Variants in WWOX observed in about 807,000 individuals in gnomAD.
The protein encoded by WWOX is WW domain containing oxidoreductase.
Under a neutral mutation model 46.2 loss-of-function variants are expected in WWOX, and 69 were observed. The ratio of observed to expected loss-of-function variants is 1.49; its 90% CI spans 1.23 to 1.82. The LOEUF (loss-of-function observed/expected upper bound fraction) is 1.82. WWOX is among the 40% of genes most tolerant of loss of function. The pLI is 0.00. For synonymous variants in WWOX, 359 were observed against 202.6 expected (o/e 1.77, Z -6.56); for missense variants, 919 against 542.6 (o/e 1.69, Z -6.89).
chr16:79,141,144 G>A (rs1408038974), intron 8 of WWOX, among the ~76,000 whole-genome samples: 5 of 152,206 alleles, frequency 3.3e-5, no homozygotes, highest in Admixed American at 1.3e-4. Flanking sequence ...AATACATATC[G>A]GATTGCCTCC....
intron 8 of WWOX, among the ~76,000 whole-genome samples, chr16:79,037,790 C>T (rs2047896512): frequency 6.6e-6 from 1 of 152,098 alleles, no homozygotes; most frequent in Non-Finnish European, 1.5e-5. Context: ...GTCATCTAGA[C>T]ATTTTTATCC....
chr16:78,831,094 C>G (rs530296120), intron 8 of WWOX, among the ~76,000 whole-genome samples: 1 of 152,158 alleles, frequency 6.6e-6, no homozygotes, highest in African/African-American at 2.4e-5. Context: ...GTTCCTAGCC[C>G]TCCAGAGCTT....
chr16:78,779,939 A>C (rs1266546381), intron 8 of WWOX, among the ~76,000 whole-genome samples: 1 of 152,232 alleles, frequency 6.6e-6, no homozygotes, highest in Non-Finnish European at 1.5e-5. Context: ...GCCACAAATC[A>C]ATAATGAAAA....
At chr16:78,785,151 C>G (rs1046285278) in intron 8 of WWOX, among the ~76,000 whole-genome samples, 3 of 152,134 alleles carry the variant, frequency 2.0e-5, no homozygotes, top group African/African-American at 7.2e-5. Flanking sequence ...AAAACAATAA[C>G]CAAGTGTGAC....
At chr16:78,157,758 G>A (rs1231734721) in intron 4 of WWOX, among the ~76,000 whole-genome samples, 1 of 152,190 alleles carries the variant, frequency 6.6e-6, no homozygotes, top group Non-Finnish European at 1.5e-5. Context: ...TTTGAATTCT[G>A]GTTGGTATTA....
At position 78,784,785 on chromosome 16, in the gene WWOX, C is replaced by T. The variant is rs11859768; in HGVS notation, c.1056+352033C>T. Among the ~76,000 whole-genome samples the T allele has an allele frequency of 5.4e-3, 827 of 152,200 alleles. 8 individuals carry two copies. Among genetic ancestry groups the T allele is most frequent in the African/African-American group, 0.019 (785 of 41,538 alleles). ...CAGTGACTGCAAGGTCAGCTCCTGA[C>T]CTTCATAATAAGGACTCACATGTGT... On this transcript the variant is annotated intron_variant, in intron 8 of 8. Coordinates refer to ENST00000566780, the MANE Select transcript of WWOX (RefSeq NM_016373.4).
intron 8 of WWOX, among the ~76,000 whole-genome samples, chr16:78,978,800 G>A (rs765395016): frequency 6.6e-6 from 1 of 151,996 alleles, no homozygotes; most frequent in Non-Finnish European, 1.5e-5. Flanking sequence ...AATCATTTAT[G>A]AAGGGTTCAT....
intron 8 of WWOX, among the ~76,000 whole-genome samples, chr16:78,852,459 T>A (rs772763477): frequency 3.9e-5 from 6 of 152,150 alleles, no homozygotes; most frequent in South Asian, 2.1e-4. Flanking sequence ...GAATCAGGCT[T>A]CCAACAGTCA....
chr16:78,867,489 T>TG (rs1170463325), intron 8 of WWOX, among the ~76,000 whole-genome samples: 1 of 140,568 alleles, frequency 7.1e-6, no homozygotes, highest in Non-Finnish European at 1.5e-5. Flanking sequence ...TGATTTTGTG[T>TG]GTGTGTGTGT....
intron 8 of WWOX, among the ~76,000 whole-genome samples, chr16:78,443,296 C>T (rs551257233): frequency 7.2e-5 from 11 of 151,760 alleles, no homozygotes; most frequent in Non-Finnish European, 1.5e-4. Context: ...CAGAGTGAGA[C>T]TGAAAAACAA....
At chr16:79,117,429 C>T (rs971921177) in intron 8 of WWOX, among the ~76,000 whole-genome samples, 2 of 152,126 alleles carry the variant, frequency 1.3e-5, no homozygotes. Context: ...TTTGTTATTC[C>T]ATTTATAGAG....
Position 78,300,108 on chromosome 16 carries a change from A to AT in WWOX, c.517-86745dup, listed in dbSNP as rs540206440. ...TGAGTAGAAATTAAGACATAGCTTGATTTTTTTCCAACAGAATCATGAAGT... is the reference window on the plus strand; with the variant it reads ...TGAGTAGAAATTAAGACATAGCTTGATTTTTTTTCCAACAGAATCATGAAGT... On this transcript the variant is annotated intron_variant, in intron 5 of 8. Transcript: ENST00000566780. 3.5e-3 allele frequency among the ~76,000 whole-genome samples: 530 copies of AT among 151,802 alleles called. 7 individuals are homozygous for AT. Among genetic ancestry groups the AT allele is most frequent in the African/African-American group, 0.012 (502 of 41,556 alleles).
chr16:78,763,896 C>T (rs1013830107), intron 8 of WWOX, among the ~76,000 whole-genome samples: 10 of 152,154 alleles, frequency 6.6e-5, no homozygotes, highest in African/African-American at 2.4e-4. Context: ...TGTGTACACC[C>T]CAATGCCCCA....
intron 8 of WWOX, chr16:79,203,671 A>C (rs925789058): frequency 1.4e-4 from 22 of 152,140 alleles, no homozygotes; most frequent in African/African-American, 5.1e-4. Flanking sequence ...TAAAAGACGT[A>C]ATTTTGCAGG....
intron 8 of WWOX, among the ~76,000 whole-genome samples, chr16:78,547,201 C>G (rs568436963): frequency 6.8e-6 from 1 of 147,642 alleles, no homozygotes; most frequent in Admixed American, 6.7e-5. Flanking sequence ...TTTCAACCCA[C>G]GGGGATAGGG....
chr16:78,245,964 A>G (rs868709009), intron 5 of WWOX, among the ~76,000 whole-genome samples: 1 of 152,328 alleles, frequency 6.6e-6, no homozygotes, highest in South Asian at 2.1e-4. Context: ...GTTCCATATT[A>G]AGAAGCATTC....
chr16:78,753,753 G>C (rs2049546687), intron 8 of WWOX, among the ~76,000 whole-genome samples: 2 of 125,472 alleles, frequency 1.6e-5, no homozygotes, highest in South Asian at 2.8e-4. Flanking sequence ...AGTGAGCAAA[G>C]ATCACACCAC....
At chr16:78,778,814 CTG>C (rs1348863283) in intron 8 of WWOX, among the ~76,000 whole-genome samples, 3 of 152,288 alleles carry the variant, frequency 2.0e-5, no homozygotes, top group South Asian at 4.1e-4. Context: ...GGAAAGGGAA[CTG>C]TGTTCGCCAG....
chr16:79,195,410 C>G (rs900441439), intron 8 of WWOX, among the ~76,000 whole-genome samples: 5 of 152,102 alleles, frequency 3.3e-5, no homozygotes, highest in Non-Finnish European at 7.4e-5. Flanking sequence ...ATGTGGGCTC[C>G]CTCCTGGAGT....
Sources: allele counts gnomAD v4.1 joint callset (sites outside exome capture counted in the v4.1 genomes callset), GRCh38; gene constraint gnomAD v4.1.1; transcripts MANE v1.5; gene names NCBI Gene and HGNC (gene_info 2026-07-23, HGNC 2026-07-21).